The following FARS2 variants were observed in gnomAD, a reference collection of about 807,000 sequenced individuals.
FARS2 encodes the protein phenylalanyl-tRNA synthetase 2, mitochondrial.
In FARS2, 40 loss-of-function variants were observed where a neutral mutation model predicts 46.4. The ratio of observed to expected loss-of-function variants is 0.86; its 90% CI spans 0.67 to 1.12. The LOEUF is 1.12. Among genes scored for constraint, FARS2 ranks in the 50% most tolerant of loss-of-function variants. The probability of loss-of-function intolerance (pLI) is 0.00; values close to 1 mark genes in which losing one functional copy is unlikely to be tolerated. For missense variants in FARS2, 513 were observed against 567.9 expected, an observed-to-expected ratio of 0.90 and a Z score of 0.98; for synonymous variants, 234 against 214.9, an observed-to-expected ratio of 1.09 and a Z score of -0.78.
intron 6 of FARS2, among the ~76,000 whole-genome samples, chr6:5,616,723 G>C (rs1207772355): frequency 6.6e-6 from 1 of 152,160 alleles, no homozygotes; most frequent in Non-Finnish European, 1.5e-5. Context: ...CTTTAGATTA[G>C]AGATGCTCAA....
intron 5 of FARS2, among the ~76,000 whole-genome samples, chr6:5,608,225 A>G (rs962502589): frequency 1.3e-5 from 2 of 152,154 alleles, no homozygotes; most frequent in African/African-American, 4.8e-5. Flanking sequence ...AGTGTTTACC[A>G]TCAGTTTGCG....
At chr6:5,613,816 A>G (rs951058077) in intron 6 of FARS2, among the ~76,000 whole-genome samples, 4 of 152,216 alleles carry the variant, frequency 2.6e-5, no homozygotes, top group African/African-American at 4.8e-5. Context: ...CGTTAAATAC[A>G]TAATTATGAA....
rs138327791 is a variant in FARS2, at chr6:5,324,105, G to A, written c.-21-44445G>A. Reference sequence around the variant, plus strand: ...GTACTCTTAGTCTGTAAGAGAAAGCGCTCCTGACTGAAATCAGCCAGAAGC... The same window carrying A: ...GTACTCTTAGTCTGTAAGAGAAAGCACTCCTGACTGAAATCAGCCAGAAGC... On this transcript the variant is annotated intron_variant, in intron 1 of 6. Transcript: ENST00000274680. 2.3e-3 allele frequency among the ~76,000 whole-genome samples: 345 copies of A among 152,286 alleles called. 2 individuals are homozygous for A. The highest frequency in any genetic ancestry group is 7.8e-3 in the African/African-American group (325 of 41,558).
intron 4 of FARS2, among the ~76,000 whole-genome samples, chr6:5,538,340 G>A (rs1049083070): frequency 1.4e-4 from 22 of 151,998 alleles, no homozygotes; most frequent in African/African-American, 4.6e-4. Flanking sequence ...GTACATACCC[G>A]AGGATAAAAT....
intron 4 of FARS2, among the ~76,000 whole-genome samples, chr6:5,448,483 T>TC (rs397716393): frequency 7.2e-5 from 11 of 151,784 alleles, no homozygotes; most frequent in African/African-American, 2.7e-4. Context: ...TTTTTTTTTT[T>TC]CACTTACAGT....
chr6:5,308,201 A>G (rs2127543718), intron 1 of FARS2, among the ~76,000 whole-genome samples: 1 of 152,272 alleles, frequency 6.6e-6, no homozygotes, highest in East Asian at 1.9e-4. Context: ...CGGGAAGAAC[A>G]ATGAAGCCAG....
At chr6:5,590,287 G>A (rs1269542155) in intron 5 of FARS2, among the ~76,000 whole-genome samples, 1 of 152,194 alleles carries the variant, frequency 6.6e-6, no homozygotes, top group African/African-American at 2.4e-5. Context: ...CCCATGCACC[G>A]TATGTGTCCA....
intron 5 of FARS2, among the ~76,000 whole-genome samples, chr6:5,554,789 C>G (rs904766366): frequency 6.6e-6 from 1 of 152,132 alleles, no homozygotes; most frequent in Non-Finnish European, 1.5e-5. Context: ...TAGTAAGTAA[C>G]GGAGCCAGGA....
intron 6 of FARS2, among the ~76,000 whole-genome samples, chr6:5,770,688 G>T (rs1762989148): frequency 6.6e-6 from 1 of 152,164 alleles, no homozygotes; most frequent in South Asian, 2.1e-4. Flanking sequence ...GAATTACTCA[G>T]CTGTTCTATG....
chr6:5,558,254 G>C (rs796559362), intron 5 of FARS2, among the ~76,000 whole-genome samples: 1 of 152,076 alleles, frequency 6.6e-6, no homozygotes, highest in Non-Finnish European at 1.5e-5. Flanking sequence ...AGGGTAAGAG[G>C]AGCACATGGG....
At chr6:5,399,922 A>G (rs1761153845) in intron 2 of FARS2, among the ~76,000 whole-genome samples, 1 of 152,206 alleles carries the variant, frequency 6.6e-6, no homozygotes, top group Admixed American at 6.5e-5. Context: ...AAACAATACT[A>G]CAATGAAAAT....
In FARS2 at chr6:5,502,147, G is replaced by C. The variant is rs201053586; in HGVS notation, c.905-43033G>C. Among the ~76,000 whole-genome samples, 24 of 152,320 alleles carry C rather than the reference G, an allele frequency of 1.6e-4. No individual in the cohort carries two copies. The East Asian group carries it at 4.4e-3, about 28-fold the overall frequency. Reference sequence around the variant, plus strand: ...AGACTGCTACCCCAGCCAGCCTTGTGGTCTCTCAGCCAGCTGTGCCGTGGA... The same window carrying C: ...AGACTGCTACCCCAGCCAGCCTTGTCGTCTCTCAGCCAGCTGTGCCGTGGA... On this transcript the variant is annotated intron_variant, in intron 4 of 6. Coordinates refer to ENST00000274680, the MANE Select transcript of FARS2 (RefSeq NM_006567.5).
intron 1 of FARS2, among the ~76,000 whole-genome samples, chr6:5,323,457 G>A (rs1053706286): frequency 1.7e-4 from 26 of 152,210 alleles, no homozygotes; most frequent in Non-Finnish European, 3.1e-4. Context: ...ATTATGACTC[G>A]AGAGATGCTG....
At chr6:5,577,436 C>A (rs1773051993) in intron 5 of FARS2, among the ~76,000 whole-genome samples, 2 of 152,084 alleles carry the variant, frequency 1.3e-5, no homozygotes, top group Admixed American at 1.3e-4. Context: ...CACTGAGCTA[C>A]CCTAGTACTT....
At chr6:5,658,248 C>T (rs1369220151) in intron 6 of FARS2, among the ~76,000 whole-genome samples, 1 of 113,026 alleles carries the variant, frequency 8.8e-6, no homozygotes, top group Non-Finnish European at 1.9e-5. Flanking sequence ...AAGAGTGAAA[C>T]TCTGTCTCAA....
At chr6:5,752,413 A>G (rs1435748177) in intron 6 of FARS2, among the ~76,000 whole-genome samples, 1 of 152,240 alleles carries the variant, frequency 6.6e-6, no homozygotes, top group East Asian at 1.9e-4. Flanking sequence ...CATCATCAGC[A>G]CAGAGCAACT....
intron 3 of FARS2, among the ~76,000 whole-genome samples, chr6:5,408,974 A>C (rs138577155): frequency 0.01 from 1,568 of 152,302 alleles, 12 homozygotes; most frequent in Non-Finnish European, 0.014. Flanking sequence ...GTTTCAGGAT[A>C]TATATCTCTC....
intron 1 of FARS2, among the ~76,000 whole-genome samples, chr6:5,340,155 T>G (rs1771454418): frequency 6.6e-6 from 1 of 152,240 alleles, no homozygotes; most frequent in South Asian, 2.1e-4. Context: ...ATGTTGAGTC[T>G]GCTTTGCTAT....
intron 6 of FARS2, among the ~76,000 whole-genome samples, chr6:5,647,482 G>T (rs1198811698): frequency 6.6e-6 from 1 of 152,188 alleles, no homozygotes; most frequent in African/African-American, 2.4e-5. Flanking sequence ...ACCAGCCTGG[G>T]CCTGGAAGGC....
Sources: gnomAD v4.1 joint callset for allele counts (sites outside exome capture counted in the v4.1 genomes callset) on GRCh38, gnomAD v4.1.1 for gene constraint, MANE v1.5 for transcripts, NCBI Gene and HGNC (gene_info 2026-07-23, HGNC 2026-07-21) for gene names.